Variants in CDH18 observed in about 807,000 individuals in gnomAD.
CDH18 encodes the protein cadherin 18.
Under a neutral mutation model 67.9 loss-of-function variants are expected in CDH18, and 31 were observed. The ratio of observed to expected loss-of-function variants is 0.46; its 90% CI spans 0.34 to 0.62. The LOEUF (loss-of-function observed/expected upper bound fraction) is 0.62. Among genes scored for constraint, CDH18 ranks in the 20% least tolerant of loss-of-function variants. The pLI is 0.01. For missense variants in CDH18, 890 were observed against 975.5 expected (o/e 0.91, Z 1.17); for synonymous variants, 362 against 347.2 (o/e 1.04, Z -0.48).
chr5:20,425,662 G>A (rs990737811), intron 1 of CDH18, among the ~76,000 whole-genome samples: 1 of 150,882 alleles, frequency 6.6e-6, no homozygotes, highest in African/African-American at 2.5e-5. Context: ...TAGCAATCTG[G>A]AGATTGGGCG....
intron 5 of CDH18, among the ~76,000 whole-genome samples, chr5:19,668,755 A>T (rs1226089047): frequency 3.9e-5 from 6 of 152,122 alleles, no homozygotes; most frequent in African/African-American, 1.4e-4. Context: ...CATTGTCATG[A>T]TGTTCCCTGA....
chr5:20,016,642 G>C (rs749303872), intron 2 of CDH18, among the ~76,000 whole-genome samples: 2 of 152,138 alleles, frequency 1.3e-5, no homozygotes, highest in Non-Finnish European at 2.9e-5. Flanking sequence ...CAGAAGTCAT[G>C]AAAGTATGTA....
intron 3 of CDH18, among the ~76,000 whole-genome samples, chr5:19,775,406 T>C (rs995247191): frequency 3.3e-5 from 5 of 152,170 alleles, no homozygotes; most frequent in Non-Finnish European, 7.4e-5. Flanking sequence ...AGGAATCTGC[T>C]TCTGTGGATG....
upstream of CDH18, among the ~76,000 whole-genome samples, chr5:19,992,747 G>A (rs548225910): frequency 5.8e-5 from 8 of 138,282 alleles, no homozygotes; most frequent in South Asian, 1.3e-3. Flanking sequence ...ATGCAAGACT[G>A]GAAATAGAAA....
intron 2 of CDH18, among the ~76,000 whole-genome samples, chr5:20,054,115 C>A (rs557541964): frequency 2.0e-5 from 3 of 152,222 alleles, no homozygotes; most frequent in African/African-American, 4.8e-5. Flanking sequence ...ATATACGGTA[C>A]AATTTGTATA....
chr5:19,502,664 T>A (rs1015563876), intron 11 of CDH18: 3 of 457,648 alleles, frequency 6.6e-6, no homozygotes, highest in African/African-American at 6.1e-5. Flanking sequence ...CATTTTTTCC[T>A]AATTTGAATA....
intron 3 of CDH18, among the ~76,000 whole-genome samples, chr5:19,770,622 G>A (rs79973284): frequency 9.2e-5 from 14 of 151,476 alleles, no homozygotes; most frequent in South Asian, 8.3e-4. Context: ...AAAAAAAAAG[G>A]AAAAAAAGAA....
intron 5 of CDH18, among the ~76,000 whole-genome samples, chr5:19,655,964 G>A (rs1756309841): frequency 6.9e-6 from 1 of 145,924 alleles, no homozygotes; most frequent in Non-Finnish European, 1.5e-5. Context: ...CGAGAGAAGA[G>A]ATACTTTTAG....
chr5:20,515,363 C>T (rs1044957559), intron 1 of CDH18, among the ~76,000 whole-genome samples: 4 of 150,784 alleles, frequency 2.7e-5, no homozygotes, highest in South Asian at 2.1e-4. Flanking sequence ...TTTCCCTGTA[C>T]GCTACAAAAA....
intron 3 of CDH18, among the ~76,000 whole-genome samples, chr5:19,748,185 T>C (rs899586457): frequency 6.7e-6 from 1 of 148,972 alleles, no homozygotes; most frequent in Non-Finnish European, 1.5e-5. Context: ...TATAAAACTT[T>C]AACTCAAAAT....
chr5:19,569,276 A>G (rs1740954898), intron 8 of CDH18, among the ~76,000 whole-genome samples: 1 of 152,086 alleles, frequency 6.6e-6, no homozygotes, highest in Admixed American at 6.6e-5. Flanking sequence ...GCAAACTACA[A>G]TTCTTTCCTT....
At chr5:19,671,702 G>A (rs1020678533) in intron 5 of CDH18, among the ~76,000 whole-genome samples, 22 of 152,022 alleles carry the variant, frequency 1.4e-4, no homozygotes, top group African/African-American at 5.1e-4. Flanking sequence ...GGATAAACTG[G>A]ATCATGAAAA....
chr5:19,987,852 G>A (rs1259424975), intron 1 of CDH18, among the ~76,000 whole-genome samples: 3 of 152,076 alleles, frequency 2.0e-5, no homozygotes, highest in Non-Finnish European at 4.4e-5. Flanking sequence ...TCTGAGACTC[G>A]CATTCGATAG....
chr5:19,646,063 G>T (rs1754690699), intron 5 of CDH18, among the ~76,000 whole-genome samples: 1 of 152,110 alleles, frequency 6.6e-6, no homozygotes, highest in South Asian at 2.1e-4. Context: ...CTCTACCTAA[G>T]ACAGCAGAAA....
rs543806084 is a variant in CDH18 at position 20,065,168 on chromosome 5, T to C, written c.-517-73154A>G. On this transcript the variant is annotated intron_variant, in intron 2 of 14. Transcript: ENST00000507958. ...AATTTTTCCATTTTTTTCTACTTATTATAAGTTAAGTTTAAAAAAATGGCT... is the reference window on the plus strand; with the variant it reads ...AATTTTTCCATTTTTTTCTACTTATCATAAGTTAAGTTTAAAAAAATGGCT... Among the ~76,000 whole-genome samples the C allele has an allele frequency of 3.0e-3, 451 of 152,038 alleles. 1 individual carries two copies. Among genetic ancestry groups the C allele is most frequent in the Non-Finnish European group, 4.4e-3 (298 of 67,910 alleles).
At chr5:20,556,706 A>G (rs1191406732) in intron 1 of CDH18, among the ~76,000 whole-genome samples, 1 of 152,138 alleles carries the variant, frequency 6.6e-6, no homozygotes, top group African/African-American at 2.4e-5. Context: ...CCTTCCATCC[A>G]GCCCTTTGGT....
intron 3 of CDH18, among the ~76,000 whole-genome samples, chr5:19,752,593 A>G (rs1346782483): frequency 2.0e-5 from 3 of 152,078 alleles, no homozygotes; most frequent in African/African-American, 7.2e-5. Context: ...TTCCCTACCC[A>G]TCCTGGTAAC....
At position 20,292,062 on chromosome 5, in the gene CDH18, C is replaced by T. The variant is rs113297456; in HGVS notation, c.-579-36557G>A. Among the ~76,000 whole-genome samples, 73 of 152,274 alleles carry T rather than the reference C, an allele frequency of 4.8e-4. 2 individuals carry two copies. The highest frequency in any genetic ancestry group is 1.7e-3 in the African/African-American group (69 of 41,566). On this transcript the variant is annotated intron_variant, in intron 1 of 14. Transcript: ENST00000507958. ...GCTTTAAGTGGCCTCCTCGGCTGAG[C>T]ACACCTGGGTCAGTAATGAACCATT...
intron 5 of CDH18, among the ~76,000 whole-genome samples, chr5:19,706,249 A>T (rs1176434848): frequency 4.6e-5 from 7 of 152,222 alleles, no homozygotes; most frequent in Non-Finnish European, 1.0e-4. Context: ...TACATCACTC[A>T]TATTAGGGCT....
Sources: gnomAD v4.1 joint callset for allele counts (sites outside exome capture counted in the v4.1 genomes callset) on GRCh38, gnomAD v4.1.1 for gene constraint, MANE v1.5 for transcripts, NCBI Gene and HGNC (gene_info 2026-07-23, HGNC 2026-07-21) for gene names.